Variants in BICRA observed in about 807,000 individuals in gnomAD.
BICRA encodes BRD4 interacting chromatin remodeling complex associated protein.
In BICRA, 31 loss-of-function variants were observed where a neutral mutation model predicts 96.9. The ratio of observed to expected loss-of-function variants is 0.32; its 90% CI spans 0.24 to 0.43. BICRA has a LOEUF of 0.43. BICRA is among the 20% of genes least tolerant of loss of function. BICRA has a pLI of 1.00. For missense variants in BICRA, 2,283 were observed against 2,190.3 expected (o/e 1.04, Z -0.84); for synonymous variants, 1,350 against 1,071.8 (o/e 1.26, Z -5.07).
chr19:47,669,842 G>A (rs1201191263), intron 1 of BICRA, among the ~76,000 whole-genome samples: 1 of 151,758 alleles, frequency 6.6e-6, no homozygotes, highest in Non-Finnish European at 1.5e-5. Flanking sequence ...ATTTTTAGTA[G>A]AGACCGGGTT....
intron 1 of BICRA, among the ~76,000 whole-genome samples, chr19:47,628,159 A>G (rs115979728): frequency 1.1e-3 from 160 of 152,208 alleles, no homozygotes; most frequent in African/African-American, 3.7e-3. Flanking sequence ...TGCTATTACT[A>G]TTGACTGTTG....
rs1479100929 is a variant in BICRA at position 47,702,783 on chromosome 19, T to C, written c.*368T>C. The C allele has an allele frequency of 3.7e-6, 1 of 272,888 alleles. No individual in the cohort carries two copies. The highest frequency in any genetic ancestry group is 6.9e-6 in the Non-Finnish European group (1 of 145,970). 16.9% of individuals were successfully genotyped at this position (272,888 alleles called of 1,614,324 possible). A position where few individuals can be genotyped will look rare whatever the true frequency, so the allele number is the denominator to read the frequency against. On this transcript the variant is annotated 3_prime_UTR_variant, in exon 15 of 15. Coordinates refer to ENST00000594866, the MANE Select transcript of BICRA (RefSeq NM_001394372.1). ...GATGCCAACGCTCCGGGTGCCTGTC[T>C]TGTCTGTGTGGCTTCTCAGATGGTG...
At chr19:47,696,722 G>A (rs924944185) in intron 11 of BICRA, among the ~76,000 whole-genome samples, 1 of 152,236 alleles carries the variant, frequency 6.6e-6, no homozygotes, top group Non-Finnish European at 1.5e-5. Context: ...GGTGGGCTGT[G>A]GCTCCGCCAG....
At chr19:47,662,464 A>C (rs1972718034) in intron 1 of BICRA, 1 of 142,786 alleles carries the variant, frequency 7.0e-6, no homozygotes, top group Non-Finnish European at 1.5e-5. Context: ...TCACGAGGTC[A>C]GTTCAAGACC....
Position 47,680,809 on chromosome 19 carries a change from A to G in BICRA, c.1639A>G (p.Ile547Val), listed in dbSNP as rs1973035781. 1.2e-6 allele frequency: 2 copies of G among 1,607,268 alleles called. No individual in the cohort carries two copies. Among genetic ancestry groups the G allele is most frequent in the Non-Finnish European group, 1.7e-6 (2 of 1,178,592 alleles). ...CGCGCACATCCTCTCCGCCGCTCCC[A>G]TCCAGGTGGGCCAGCCTGCGCTCTT... ...HSAHILSAAP[I>V]QVGQPALFQM... The change falls in exon 6 of 15, where the codon ATC becomes GTC. Residue 547 changes from isoleucine (I) to valine (V), a missense_variant. By Grantham distance (29) the Ile-to-Val change is conservative. Coordinates refer to ENST00000594866, the MANE Select transcript of BICRA (RefSeq NM_001394372.1).
At chr19:47,694,048 TG>T in intron 7 of BICRA, 66 bp from the exon 8 acceptor site, 2 of 1,445,440 alleles carry the variant, frequency 1.4e-6, no homozygotes, top group Non-Finnish European at 1.8e-6. Context: ...CCCAGTGTCT[TG>T]GGGCAACAGG....
At chr19:47,651,472 T>C (rs1972539882) in intron 1 of BICRA, among the ~76,000 whole-genome samples, 2 of 152,062 alleles carry the variant, frequency 1.3e-5, no homozygotes, top group African/African-American at 4.8e-5. Flanking sequence ...CCCCAACCCA[T>C]TCTTGGCATC....
chr19:47,609,968 G>T (rs928659331), intron 1 of BICRA, among the ~76,000 whole-genome samples: 1 of 3,604 alleles, frequency 2.8e-4, no homozygotes, highest in South Asian at 6.0e-3. Context: ...TTACGGGGGT[G>T]GGGGGGGTGA....
intron 6 of BICRA, among the ~76,000 whole-genome samples, chr19:47,681,550 CAAAG>C (rs1037551329): frequency 1.1e-4 from 17 of 151,956 alleles, no homozygotes; most frequent in African/African-American, 4.8e-5. Context: ...GACAGACAGA[CAAAG>C]AGAGGGACCA....
rs1973042251 is a variant in BICRA at position 47,681,003 on chromosome 19, C to T, written c.1833C>T (p.Ala611=). The change falls in exon 6 of 15, where the codon GCC becomes GCT. Residue 611 remains alanine, a synonymous_variant. Coordinates refer to ENST00000594866, the MANE Select transcript of BICRA (RefSeq NM_001394372.1). ...TGCAGCCGGCCACCCCTGCCGCTGC[C>T]ACCGGGGAGGCCGCGCCTGTCCTCA... ...GLVQPATPAA[A]TGEAAPVLTV... is the part of the protein sequence containing the mutation. 6.2e-6 allele frequency: 9 copies of T among 1,458,754 alleles called. No individual in the cohort carries two copies. Among genetic ancestry groups the T allele is most frequent in the Non-Finnish European group, 8.1e-6 (9 of 1,114,440 alleles). 90.4% of individuals were successfully genotyped at this position (1,458,754 alleles called of 1,614,324 possible). A position where few individuals can be genotyped will look rare whatever the true frequency, so the allele number is the denominator to read the frequency against.
At chr19:47,657,271 A>G (rs1453006183) in intron 1 of BICRA, among the ~76,000 whole-genome samples, 1 of 152,216 alleles carries the variant, frequency 6.6e-6, no homozygotes. Context: ...TTGCTGTAGA[A>G]GTCCTTCATT....
Position 47,695,414 on chromosome 19 carries a change from C to G in BICRA, c.3126C>G (p.Leu1042=). The G allele has an allele frequency of 6.3e-7, 1 of 1,595,208 alleles. No individual in the cohort carries two copies. The highest frequency in any genetic ancestry group is 8.5e-7 in the Non-Finnish European group (1 of 1,170,740). Residue 1042 remains leucine, a synonymous_variant, in exon 10 of 15, where the codon CTC becomes CTG. Transcript: ENST00000594866. ...PAENKAFASN[L]PTLNVAKAAS... Reference sequence around the variant, plus strand: ...AGAACAAGGCTTTTGCCAGCAACCTCCCGACCCTGAATGTGGCCAAGGCCG... The same window carrying G: ...AGAACAAGGCTTTTGCCAGCAACCTGCCGACCCTGAATGTGGCCAAGGCCG...
chr19:47,680,100 GGGGGCCGCC>G lies in BICRA; in HGVS notation c.931_939del (p.Gly311_Ala313del), dbSNP rs1186841260. On this transcript the variant is annotated inframe_deletion, in exon 6 of 15. Coordinates refer to ENST00000594866, the MANE Select transcript of BICRA (RefSeq NM_001394372.1). ...ATGGGAACTCTGTGTTCGGAGGCGCGGGGGCCGCCTCGGCTCCCACCGGGACGCCCTCGG... is the reference window on the plus strand; with the variant it reads ...ATGGGAACTCTGTGTTCGGAGGCGCGTCGGCTCCCACCGGGACGCCCTCGG... 1.2e-5 allele frequency: 18 copies of G among 1,545,042 alleles called. No individual in the cohort carries two copies. The highest frequency in any genetic ancestry group is 1.4e-5 in the Non-Finnish European group (16 of 1,157,336).
rs183429536 is a variant in BICRA at position 47,649,061 on chromosome 19, T to C, written c.-107-21382T>C. On this transcript the variant is annotated intron_variant, in intron 1 of 14. Transcript: ENST00000594866. ...ACAGACGGGGTTTCACCATGTTAGC[T>C]ATGATGGTCTCAATCTCCTGACCTT... Among the ~76,000 whole-genome samples, 1,214 of 152,148 alleles carry C rather than the reference T, an allele frequency of 8.0e-3. 11 individuals carry two copies. Among genetic ancestry groups the C allele is most frequent in the Non-Finnish European group, 0.013 (891 of 68,006 alleles).
rs1334249260 is a variant in BICRA at position 47,698,760 on chromosome 19, C to G, written c.3375C>G (p.Pro1125=). ...LPYHVYQGAL[P]SPSDYHKVDE... is the part of the protein sequence containing the mutation. ...ACCATGTCTACCAGGGCGCCCTCCC[C>G]TCCCCCAGTGACTACCACAAAGGTG... Residue 1125 remains proline, a synonymous_variant, in exon 12 of 15, where the codon CCC becomes CCG. Coordinates refer to ENST00000594866, the MANE Select transcript of BICRA (RefSeq NM_001394372.1). This position sits in a 1 kb window ranked among gnomAD's most constrained non-coding sequence, Gnocchi z 4.8. 1 of 1,608,206 alleles carries G rather than the reference C, an allele frequency of 6.2e-7. No individual in the cohort carries two copies. Among genetic ancestry groups the G allele is most frequent in the South Asian group, 1.1e-5 (1 of 90,306 alleles).
At chr19:47,697,399 CA>C (rs879944034) in intron 11 of BICRA, among the ~76,000 whole-genome samples, 76 of 146,592 alleles carry the variant, frequency 5.2e-4, no homozygotes, top group Admixed American at 6.8e-4. Context: ...TGCCCTCACC[CA>C]AAAAAAAAAA....
At chr19:47,609,818 G>A (rs527561148) in intron 1 of BICRA, among the ~76,000 whole-genome samples, 1 of 152,130 alleles carries the variant, frequency 6.6e-6, no homozygotes, top group African/African-American at 2.4e-5. Context: ...AGGGATGGAT[G>A]GGGAAGGAGG....
chr19:47,678,736 G>GT (rs112732019), intron 5 of BICRA, among the ~76,000 whole-genome samples: 40,384 of 151,198 alleles, frequency 0.27, 5,439 homozygotes, highest in South Asian at 0.32. Context: ...TTGAACAGTA[G>GT]TTTTTTTTAT....
chr19:47,657,363 A>G (rs920144347), intron 1 of BICRA, among the ~76,000 whole-genome samples: 1 of 151,446 alleles, frequency 6.6e-6, no homozygotes, highest in African/African-American at 2.4e-5. Context: ...TGTGCCATTT[A>G]CAGTTAGGGG....
Sources: allele counts gnomAD v4.1 joint callset (sites outside exome capture counted in the v4.1 genomes callset), GRCh38; gene constraint gnomAD v4.1.1; non-coding constraint Gnocchi (gnomAD v3.1); transcripts MANE v1.5; gene names NCBI Gene and HGNC (gene_info 2026-07-23, HGNC 2026-07-21).